SLIT3: variants seen among roughly 807,000 people sequenced by gnomAD.
SLIT3 encodes slit guidance ligand 3.
A neutral mutation model predicts 184.0 loss-of-function variants in SLIT3; 68 were observed. That is an observed-to-expected ratio of 0.37 (90% CI 0.30 to 0.45). The LOEUF (loss-of-function observed/expected upper bound fraction) is 0.45, where lower values mean the gene tolerates loss of function less well. SLIT3 is among the 20% of genes least tolerant of loss of function. SLIT3 has a pLI of 1.00. For missense variants in SLIT3, 1,707 were observed against 2,026.0 expected (o/e 0.84, Z 3.02); for synonymous variants, 831 against 828.6 (o/e 1.00, Z -0.05).
At chr5:168,863,190 A>T (rs1031570472) in intron 5 of SLIT3, among the ~76,000 whole-genome samples, 1 of 152,002 alleles carries the variant, frequency 6.6e-6, no homozygotes, top group Non-Finnish European at 1.5e-5. Flanking sequence ...CAATGAATCA[A>T]TTTTTTTTCA....
At chr5:168,944,724 G>C (rs1281443276) in intron 4 of SLIT3, among the ~76,000 whole-genome samples, 1 of 152,024 alleles carries the variant, frequency 6.6e-6, no homozygotes, top group South Asian at 2.1e-4. Flanking sequence ...AAACTAAAAG[G>C]GTACCTTCCA....
At chr5:168,753,237 T>C (rs1754780810) in intron 17 of SLIT3, 139 bp from the exon 18 acceptor site, 16 of 841,634 alleles carry the variant, frequency 1.9e-5, no homozygotes, top group Non-Finnish European at 2.6e-5. Context: ...TGATCAGGTT[T>C]GTCCTGTGAT....
chr5:169,270,611 A>C (rs542167493), intron 1 of SLIT3, among the ~76,000 whole-genome samples: 111 of 152,296 alleles, frequency 7.3e-4, no homozygotes, highest in African/African-American at 2.5e-3. Context: ...CAGAGCCTAA[A>C]TATACATGTA....
intron 9 of SLIT3, among the ~76,000 whole-genome samples, chr5:168,800,236 C>A (rs1316833970): frequency 6.6e-6 from 1 of 152,236 alleles, no homozygotes; most frequent in Non-Finnish European, 1.5e-5. Context: ...CCTTCTGGGG[C>A]AGTCCCTTTC....
At chr5:169,006,569 T>G (rs1458766215) in intron 4 of SLIT3, among the ~76,000 whole-genome samples, 1 of 134,314 alleles carries the variant, frequency 7.4e-6, no homozygotes, top group East Asian at 2.3e-4. Flanking sequence ...TTCTCTCTCT[T>G]TCCCCCTCTT....
chr5:168,814,397 G>GCAAACAAACAAA (rs34174262), intron 8 of SLIT3, among the ~76,000 whole-genome samples: 1 of 150,680 alleles, frequency 6.6e-6, no homozygotes, highest in Non-Finnish European at 1.5e-5. Flanking sequence ...ACTGTCTCAA[G>GCAAACAAACAAA]CAAACAAACA....
chr5:168,970,701 A>G (rs1003900374), intron 4 of SLIT3, among the ~76,000 whole-genome samples: 3 of 152,022 alleles, frequency 2.0e-5, no homozygotes, highest in Non-Finnish European at 4.4e-5. Context: ...CCCCTGCCCT[A>G]TTCTATGTAG....
At chr5:169,108,038 T>C (rs993604257) in intron 4 of SLIT3, among the ~76,000 whole-genome samples, 18 of 152,264 alleles carry the variant, frequency 1.2e-4, no homozygotes, top group Non-Finnish European at 2.2e-4. Context: ...AATCCATACC[T>C]CTTTCCCCCA....
At chr5:168,710,608 G>GAA (rs112134323) in intron 25 of SLIT3, among the ~76,000 whole-genome samples, 221 of 138,906 alleles carry the variant, frequency 1.6e-3, no homozygotes, top group South Asian at 2.8e-3. Context: ...TACAAAAGAT[G>GAA]AAAAAAAAAA....
intron 16 of SLIT3, among the ~76,000 whole-genome samples, chr5:168,755,400 T>TCTTTC (rs1754870451): frequency 5.7e-5 from 1 of 17,520 alleles, no homozygotes; most frequent in African/African-American, 5.4e-4. Context: ...TTTCTTTCTT[T>TCTTTC]CTTTCTTTCT....
intron 1 of SLIT3, among the ~76,000 whole-genome samples, chr5:169,294,260 A>G (rs764447641): frequency 1.3e-4 from 3 of 23,414 alleles, no homozygotes; most frequent in Non-Finnish European, 2.7e-4. Flanking sequence ...ATGAGCATTG[A>G]AAAAAAAAAA....
intron 4 of SLIT3, among the ~76,000 whole-genome samples, chr5:168,910,209 C>A (rs1273596665): frequency 1.3e-5 from 2 of 152,128 alleles, no homozygotes; most frequent in Non-Finnish European, 2.9e-5. Flanking sequence ...TGTGTTTACA[C>A]GATATGGAAA....
At chr5:168,789,986 A>T (rs142606453) in intron 10 of SLIT3, 29 of 201,412 alleles carry the variant, frequency 1.4e-4, no homozygotes, top group Middle Eastern at 1.9e-3. Context: ...AACGACACAG[A>T]TGAAACAGGA....
chr5:169,227,516 C>A (rs777479709), intron 3 of SLIT3, among the ~76,000 whole-genome samples: 2 of 152,224 alleles, frequency 1.3e-5, no homozygotes, highest in African/African-American at 2.4e-5. Context: ...CAACCTCCCC[C>A]TCCTGGGCTC....
chr5:169,273,274 C>T (rs1766691242), intron 1 of SLIT3, among the ~76,000 whole-genome samples: 1 of 152,228 alleles, frequency 6.6e-6, no homozygotes, highest in Admixed American at 6.5e-5. Context: ...TCTCAAGTAC[C>T]TCTGGCTTTG....
intron 31 of SLIT3, among the ~76,000 whole-genome samples, chr5:168,684,443 T>C (rs1293412198): frequency 1.3e-5 from 2 of 152,340 alleles, no homozygotes; most frequent in South Asian, 4.1e-4. Flanking sequence ...CCTTCTTTGG[T>C]TTCTCTGTAT....
At chr5:168,950,115 TG>T (rs1762604496) in intron 4 of SLIT3, among the ~76,000 whole-genome samples, 1 of 125,630 alleles carries the variant, frequency 8.0e-6, no homozygotes, top group East Asian at 2.7e-4. Flanking sequence ...TATTTAGAGG[TG>T]GGGAGTTTGG....
intron 6 of SLIT3, among the ~76,000 whole-genome samples, chr5:168,837,372 T>A (rs1281271764): frequency 6.6e-6 from 1 of 152,180 alleles, no homozygotes; most frequent in Non-Finnish European, 1.5e-5. Flanking sequence ...TAAATAAAAA[T>A]GAGTCTAGTC....
At chr5:169,203,783 G>A (rs1333273602) in intron 3 of SLIT3, among the ~76,000 whole-genome samples, 1 of 152,150 alleles carries the variant, frequency 6.6e-6, no homozygotes, top group Non-Finnish European at 1.5e-5. Flanking sequence ...GAAAAGGGGA[G>A]TCAAGGATGA....
Sources: gnomAD v4.1 joint callset for allele counts (sites outside exome capture counted in the v4.1 genomes callset) on GRCh38, gnomAD v4.1.1 for gene constraint, MANE v1.5 for transcripts, NCBI Gene and HGNC (gene_info 2026-07-23, HGNC 2026-07-21) for gene names.